The following SPNS3 variants were observed in gnomAD, a reference collection of about 807,000 sequenced individuals.
SPNS3 encodes SPNS lysolipid transporter 3, sphingosine-1-phosphate (putative), also known as protein spinster homolog 3.
In SPNS3, 51 loss-of-function variants were observed where a neutral mutation model predicts 54.4. The observed-to-expected ratio is 0.94, with a 90% CI of 0.75 to 1.18. SPNS3 has a LOEUF of 1.18. Among genes scored for constraint, SPNS3 ranks in the 50% most tolerant of loss-of-function variants. The pLI is 0.00. For missense variants in SPNS3, 669 were observed against 677.4 expected (o/e 0.99, Z 0.14); for synonymous variants, 309 against 294.7 (o/e 1.05, Z -0.50).
rs1972215174 is a variant in SPNS3 at position 4,483,067 on chromosome 17, G to C, written c.1180-3161G>C. 1.3e-5 allele frequency among the ~76,000 whole-genome samples: 2 copies of C among 152,148 alleles called. No homozygotes were observed. The highest frequency in any genetic ancestry group is 4.1e-4 in the South Asian group (2 of 4,832). On this transcript the variant is annotated intron_variant, in intron 9 of 11. Transcript: ENST00000355530. This position sits in a 1 kb window ranked among gnomAD's most constrained non-coding sequence, Gnocchi z 4.2. ...ACCTCTGCGTTCTCCCCCTGCCCCA[G>C]GTCTCCATGCTTCCCTGCTCAGCCT...
At chr17:4,455,471 G>T (rs965299744) in intron 8 of SPNS3, among the ~76,000 whole-genome samples, 1 of 152,224 alleles carries the variant, frequency 6.6e-6, no homozygotes, top group Non-Finnish European at 1.5e-5. Flanking sequence ...GGTGTGGGGG[G>T]TACTTTGTGG....
In SPNS3 at chr17:4,448,344, C is replaced by T. The variant is rs181393572; in HGVS notation, c.770+41C>T. 1,506 of 1,473,626 alleles carry T rather than the reference C, an allele frequency of 1.0e-3. 1 individual carries two copies. The highest frequency in any genetic ancestry group is 1.3e-3 in the Non-Finnish European group (1,407 of 1,109,778). 91.3% of individuals were successfully genotyped at this position (1,473,626 alleles called of 1,614,324 possible). Reference sequence around the variant, plus strand: ...ACCCCCTGCAAGGCACAGAAAAGCCCGTTTGTCTGCCCCAGCATCATTGAC... The same window carrying T: ...ACCCCCTGCAAGGCACAGAAAAGCCTGTTTGTCTGCCCCAGCATCATTGAC... On this transcript the variant is annotated intron_variant, in intron 6 of 11. Coordinates refer to ENST00000355530, the MANE Select transcript of SPNS3 (RefSeq NM_182538.5).
intron 8 of SPNS3, among the ~76,000 whole-genome samples, chr17:4,472,180 G>A (rs763902391): frequency 6.6e-6 from 1 of 152,058 alleles, no homozygotes; most frequent in Non-Finnish European, 1.5e-5. Flanking sequence ...TTTTCTCCTT[G>A]TCTCCCTCCC....
At chr17:4,475,393 A>G (rs939426813) in intron 8 of SPNS3, among the ~76,000 whole-genome samples, 4 of 152,144 alleles carry the variant, frequency 2.6e-5, no homozygotes. Context: ...GGAGGCCTGG[A>G]GTGCACTGGC....
Position 4,487,874 on chromosome 17 carries a change from G to A in SPNS3, c.1519G>A (p.Ala507Thr), listed in dbSNP as rs368604785. 8.8e-5 allele frequency: 142 copies of A among 1,613,804 alleles called. No homozygotes were observed. The highest frequency in any genetic ancestry group is 6.9e-4 in the East Asian group (31 of 44,904). The change falls in exon 12 of 12, where the codon GCC (alanine) becomes ACC (threonine). Residue 507 changes from alanine (A) to threonine (T), a missense_variant. Physicochemically the swap from Ala to Thr is moderately conservative, Grantham distance 58. Transcript: ENST00000355530. ...ERQGLLSGAG[A>T]STEEP ...ACAAGGCCTACTTTCGGGCGCTGGCGCCTCTACAGAGGAGCCCTGAGGTCC... is the reference window on the plus strand; with the variant it reads ...ACAAGGCCTACTTTCGGGCGCTGGCACCTCTACAGAGGAGCCCTGAGGTCC...
chr17:4,439,627 C>T (rs370282008), intron 1 of SPNS3, 31 bp from the exon 2 acceptor site: 107 of 1,604,950 alleles, frequency 6.7e-5, no homozygotes, highest in Non-Finnish European at 8.4e-5. Flanking sequence ...GGCTACTTCC[C>T]GTTTCCTGAG....
intron 11 of SPNS3, among the ~76,000 whole-genome samples, chr17:4,487,514 CACCG>C (rs1205950638): frequency 3.3e-5 from 5 of 152,204 alleles, no homozygotes; most frequent in Non-Finnish European, 7.3e-5. Flanking sequence ...AGGAGAGGAG[CACCG>C]AGGTGGTCTG....
At chr17:4,443,029 G>A (rs2144009939) in intron 2 of SPNS3, among the ~76,000 whole-genome samples, 1 of 152,232 alleles carries the variant, frequency 6.6e-6, no homozygotes, top group Non-Finnish European at 1.5e-5. Context: ...CCCTGCATGT[G>A]AGGAATATGA....
At chr17:4,473,608 G>A (rs561286846) in intron 8 of SPNS3, among the ~76,000 whole-genome samples, 14 of 152,114 alleles carry the variant, frequency 9.2e-5, no homozygotes, top group East Asian at 5.8e-4. Flanking sequence ...GGCTGGTCTC[G>A]AACTCCTGGC....
chr17:4,458,064 C>G (rs570815108), intron 8 of SPNS3, among the ~76,000 whole-genome samples: 4 of 151,846 alleles, frequency 2.6e-5, no homozygotes, highest in Admixed American at 1.3e-4. Flanking sequence ...GATGTTCTGA[C>G]CTGAGATTCA....
intron 8 of SPNS3, among the ~76,000 whole-genome samples, chr17:4,474,625 G>A (rs2144185013): frequency 6.6e-6 from 1 of 152,356 alleles, no homozygotes; most frequent in East Asian, 1.9e-4. Flanking sequence ...GTGCGTGCAG[G>A]TGGACGAGAG....
At position 4,453,414 on chromosome 17, in the gene SPNS3, C is replaced by T. The variant is rs543541958; in HGVS notation, c.1113+209C>T. ...CTGTAATCCTAGCACTTTGGGAGGTCAAGGCCGGCCTGGCCAATATGGTGA... is the reference window on the plus strand; with the variant it reads ...CTGTAATCCTAGCACTTTGGGAGGTTAAGGCCGGCCTGGCCAATATGGTGA... On this transcript the variant is annotated intron_variant, in intron 8 of 11. Transcript: ENST00000355530. 6.6e-5 allele frequency among the ~76,000 whole-genome samples: 10 copies of T among 152,252 alleles called. No individual in the cohort carries two copies. In the South Asian group the frequency reaches 2.1e-3, roughly 32 times the overall value.
At position 4,468,773 on chromosome 17, in the gene SPNS3, T is replaced by TTTCTTTCTC. The variant is rs1555531917; in HGVS notation, c.1114-9798_1114-9797insTCTTTCTCT. On this transcript the variant is annotated intron_variant, in intron 8 of 11. Coordinates refer to ENST00000355530, the MANE Select transcript of SPNS3 (RefSeq NM_182538.5). The stretch of plus-strand genomic sequence containing the variant: ...TCTTTCTTTCTTTCTCTCTTTCTTT[T>TTTCTTTCTC]TCTTTCTTTCTCTCTCTCTTTCTTT... Among the ~76,000 whole-genome samples, 946 of 103,204 alleles carry TTTCTTTCTC rather than the reference T, an allele frequency of 9.2e-3. 19 individuals are homozygous for TTTCTTTCTC. Among genetic ancestry groups the TTTCTTTCTC allele is most frequent in the African/African-American group, 0.03 (864 of 28,388 alleles). 67.7% of individuals were successfully genotyped at this position (103,204 alleles called of 152,430 possible). A position where few individuals can be genotyped will look rare whatever the true frequency, so the allele number is the denominator to read the frequency against.
rs533318487 is a variant in SPNS3 at position 4,476,356 on chromosome 17, C to T, written c.1114-2216C>T. Among the ~76,000 whole-genome samples the T allele has an allele frequency of 6.6e-5, 10 of 152,228 alleles. No homozygotes were observed. In the East Asian group the frequency reaches 1.4e-3, roughly 21 times the overall value. On this transcript the variant is annotated intron_variant, in intron 8 of 11. Coordinates refer to ENST00000355530, the MANE Select transcript of SPNS3 (RefSeq NM_182538.5). The stretch of plus-strand genomic sequence containing the variant: ...CCTCTGATGGGCTCTATTTTGGGGC[C>T]GGGATCCACCCTGTCCCAGCTGGAG...
chr17:4,460,123 TAAC>T (rs1282508368), intron 8 of SPNS3, among the ~76,000 whole-genome samples: 7 of 152,038 alleles, frequency 4.6e-5, no homozygotes, highest in Non-Finnish European at 8.8e-5. Flanking sequence ...TGGGTTTGAA[TAAC>T]AACAAGGCGG....
intron 5 of SPNS3, among the ~76,000 whole-genome samples, chr17:4,447,252 C>T (rs1350907956): frequency 6.6e-6 from 1 of 152,158 alleles, no homozygotes; most frequent in Non-Finnish European, 1.5e-5. Context: ...AGCGGGGGTA[C>T]TAAATGCTAC....
intron 8 of SPNS3, among the ~76,000 whole-genome samples, chr17:4,467,828 G>A (rs1188565370): frequency 6.6e-6 from 1 of 152,082 alleles, no homozygotes; most frequent in African/African-American, 2.4e-5. Context: ...ACCATGCCCG[G>A]CTAATTTTTG....
At chr17:4,458,588 C>CCTTCCTTCCTTCCTTCCTTTCTTT (rs1413694695) in intron 8 of SPNS3, among the ~76,000 whole-genome samples, 1 of 59,258 alleles carries the variant, frequency 1.7e-5, no homozygotes, top group African/African-American at 6.1e-5. Context: ...TTCCTTCCCT[C>CCTTCCTTCCTTCCTTCCTTTCTTT]CTTTCTTTCT....
Position 4,486,814 on chromosome 17 carries a change from A to C in SPNS3, c.1450+231A>C, listed in dbSNP as rs577679575. On this transcript the variant is annotated intron_variant, in intron 11 of 11. Coordinates refer to ENST00000355530, the MANE Select transcript of SPNS3 (RefSeq NM_182538.5). The surrounding 1 kb of genome is among the most constrained non-coding windows in gnomAD (Gnocchi z 5.5). ...TAGTTGGTGAAGACAGACCAGAAAC[A>C]GAAAAGGTTAAAGATATAGCATGTT... Among the ~76,000 whole-genome samples, 4 of 152,200 alleles carry C rather than the reference A, an allele frequency of 2.6e-5. No individual in the cohort carries two copies. The East Asian group carries it at 7.7e-4, about 29-fold the overall frequency.
Sources: allele counts gnomAD v4.1 joint callset (sites outside exome capture counted in the v4.1 genomes callset), GRCh38; gene constraint gnomAD v4.1.1; non-coding constraint Gnocchi (gnomAD v3.1); transcripts MANE v1.5; gene names NCBI Gene and HGNC (gene_info 2026-07-23, HGNC 2026-07-21).